ADGRL2: variants seen among roughly 807,000 people sequenced by gnomAD.
ADGRL2 encodes adhesion G protein-coupled receptor L2, also known as calcium-independent alpha-latrotoxin receptor 2.
In ADGRL2, 44 loss-of-function variants were observed where a neutral mutation model predicts 157.4. That is an observed-to-expected ratio of 0.28 (90% CI 0.22 to 0.36). ADGRL2 has a LOEUF of 0.36. Among genes scored for constraint, ADGRL2 ranks in the 10% least tolerant of loss-of-function variants. The pLI is 1.00. For synonymous variants in ADGRL2, 585 were observed against 624.7 expected (o/e 0.94, Z 0.95); for missense variants, 1,510 against 1,768.9 (o/e 0.85, Z 2.63).
At chr1:81,680,475 G>A (rs1482914856) in intron 3 of ADGRL2, among the ~76,000 whole-genome samples, 1 of 152,046 alleles carries the variant, frequency 6.6e-6, no homozygotes, top group East Asian at 1.9e-4. Flanking sequence ...TAGAAATCTT[G>A]AAAAAGACTG....
intron 1 of ADGRL2, among the ~76,000 whole-genome samples, chr1:81,750,536 G>A (rs908125867): frequency 3.3e-5 from 5 of 152,092 alleles, no homozygotes; most frequent in Admixed American, 1.3e-4. Flanking sequence ...AGCCAAGATG[G>A]TGAAACCCCA....
At chr1:81,434,402 T>C (rs1003614412) in intron 1 of ADGRL2, among the ~76,000 whole-genome samples, 1 of 151,448 alleles carries the variant, frequency 6.6e-6, no homozygotes, top group Non-Finnish European at 1.5e-5. Context: ...TTTTTTATAT[T>C]TGTCTCTCGG....
rs781219514 is a variant in ADGRL2, at chr1:81,643,973, A to G, written c.-143+62993A>G. 3.9e-4 allele frequency among the ~76,000 whole-genome samples: 60 copies of G among 152,210 alleles called. 1 individual carries two copies. The highest frequency in any genetic ancestry group is 7.9e-4 in the Non-Finnish European group (54 of 68,032). ...TGAAGGACTGATTCTACCCAACCTC[A>G]AGACATACCATAAATTTACATTAAT... On this transcript the variant is annotated intron_variant, in intron 3 of 24. Transcript: ENST00000370721.
At chr1:81,386,127 T>C (rs142270642) in intron 1 of ADGRL2, among the ~76,000 whole-genome samples, 2 of 152,308 alleles carry the variant, frequency 1.3e-5, no homozygotes, top group African/African-American at 4.8e-5. Context: ...TGAAAAAAGT[T>C]CTATTCTTTA....
At chr1:81,344,531 C>G (rs1360542644) in intron 1 of ADGRL2, among the ~76,000 whole-genome samples, 1 of 151,624 alleles carries the variant, frequency 6.6e-6, no homozygotes, top group Admixed American at 6.6e-5. Flanking sequence ...ACAAAATTAG[C>G]TGGGCATGCC....
chr1:81,594,422 A>G (rs1363404148), intron 3 of ADGRL2, among the ~76,000 whole-genome samples: 3 of 152,248 alleles, frequency 2.0e-5, no homozygotes, highest in Non-Finnish European at 4.4e-5. Context: ...AATGCTTTGG[A>G]TAAGTCAAGT....
At chr1:81,568,225 G>C (rs1261079154) in intron 2 of ADGRL2, among the ~76,000 whole-genome samples, 2 of 152,118 alleles carry the variant, frequency 1.3e-5, no homozygotes, top group Non-Finnish European at 2.9e-5. Flanking sequence ...TTTCTAGAAA[G>C]AGGGATCATT....
At chr1:81,828,960 A>G (rs965708084) in intron 1 of ADGRL2, among the ~76,000 whole-genome samples, 20 of 150,982 alleles carry the variant, frequency 1.3e-4, no homozygotes, top group African/African-American at 4.4e-4. Context: ...TGCCTGGGCT[A>G]GAGTGCAGTG....
intron 2 of ADGRL2, among the ~76,000 whole-genome samples, chr1:81,459,778 A>G (rs897917622): frequency 8.4e-5 from 6 of 71,684 alleles, no homozygotes; most frequent in Admixed American, 5.1e-4. Flanking sequence ...TAGTGTGTGT[A>G]TGTGTGTGTG....
chr1:81,777,317 C>T (rs2086626069), intron 2 of ADGRL2, among the ~76,000 whole-genome samples: 1 of 152,204 alleles, frequency 6.6e-6, no homozygotes, highest in African/African-American at 2.4e-5. Context: ...CACTAATTCA[C>T]TGCCAAGTAA....
intron 1 of ADGRL2, among the ~76,000 whole-genome samples, chr1:81,320,579 T>A (rs1156234494): frequency 6.6e-6 from 1 of 152,192 alleles, no homozygotes; most frequent in African/African-American, 2.4e-5. Context: ...AAAAACAACA[T>A]TCATTTCTTT....
intron 1 of ADGRL2, among the ~76,000 whole-genome samples, chr1:81,716,852 C>A (rs867605646): frequency 1.3e-5 from 2 of 152,146 alleles, no homozygotes; most frequent in African/African-American, 2.4e-5. Context: ...GTTAAGAAAT[C>A]TGGACATGGG....
intron 1 of ADGRL2, among the ~76,000 whole-genome samples, chr1:81,331,031 A>G (rs1009906119): frequency 1.3e-5 from 2 of 152,194 alleles, no homozygotes; most frequent in East Asian, 1.9e-4. Context: ...TGCATGCCCC[A>G]TAGTGCCTGG....
At chr1:81,746,622 T>A (rs989077628) in intron 1 of ADGRL2, among the ~76,000 whole-genome samples, 2 of 152,160 alleles carry the variant, frequency 1.3e-5, no homozygotes, top group Admixed American at 6.5e-5. Context: ...GTTTAATCTA[T>A]ATTTTATAAA....
At chr1:81,821,867 G>C (rs1016202049) in intron 1 of ADGRL2, among the ~76,000 whole-genome samples, 4 of 151,994 alleles carry the variant, frequency 2.6e-5, no homozygotes, top group African/African-American at 9.7e-5. Flanking sequence ...TGTCAATGTT[G>C]TTTGATTTGT....
rs1664830202 is a variant in ADGRL2, at chr1:81,993,064, T to TATATATATATATATATA, written c.*1920_*1936dup. Among the ~76,000 whole-genome samples the TATATATATATATATATA allele has an allele frequency of 3.9e-5, 1 of 25,834 alleles. No individual in the cohort carries two copies. Among genetic ancestry groups the TATATATATATATATATA allele is most frequent in the South Asian group, 1.7e-3 (1 of 576 alleles). 16.9% of individuals were successfully genotyped at this position (25,834 alleles called of 152,430 possible). On this transcript the variant is annotated 3_prime_UTR_variant, in exon 24 of 24. Transcript: ENST00000686636. ...AGTGCATATATATAATATACATATA[T>TATATATATATATATATA]ATATATATATATATATATATATATT...
intron 2 of ADGRL2, among the ~76,000 whole-genome samples, chr1:81,479,316 T>TA (rs1486587491): frequency 8.0e-5 from 11 of 136,762 alleles, no homozygotes; most frequent in African/African-American, 3.0e-4. Context: ...CTACTAAAAA[T>TA]ACAAAAAAAA....
chr1:81,599,665 T>A (rs1238617362), intron 3 of ADGRL2, among the ~76,000 whole-genome samples: 1 of 152,148 alleles, frequency 6.6e-6, no homozygotes, highest in Admixed American at 6.5e-5. Context: ...ACAGTTTAAT[T>A]TTTTTTAAAA....
Position 81,556,597 on chromosome 1 carries a change from T to C in ADGRL2, c.-247-24279T>C, listed in dbSNP as rs1386585951. 3.3e-5 allele frequency among the ~76,000 whole-genome samples: 5 copies of C among 151,560 alleles called. No homozygotes were observed. The East Asian group carries it at 9.6e-4, about 29-fold the overall frequency. On this transcript the variant is annotated intron_variant, in intron 2 of 24. Transcript: ENST00000370721. ...AAACTGTGTTGTCACACTAACAGTCTAAACTTTGCTAAAGACCAAAAAAAA... is the reference window on the plus strand; with the variant it reads ...AAACTGTGTTGTCACACTAACAGTCCAAACTTTGCTAAAGACCAAAAAAAA...
Sources: gnomAD v4.1 joint callset for allele counts (sites outside exome capture counted in the v4.1 genomes callset) on GRCh38, gnomAD v4.1.1 for gene constraint, MANE v1.5 for transcripts, NCBI Gene and HGNC (gene_info 2026-07-23, HGNC 2026-07-21) for gene names.